PDE3B: variants seen among roughly 807,000 people sequenced by gnomAD.
PDE3B encodes cGMP-inhibited 3',5'-cyclic phosphodiesterase 3B.
A neutral mutation model predicts 116.8 loss-of-function variants in PDE3B; 66 were observed. The observed-to-expected ratio is 0.56, with a 90% CI of 0.46 to 0.69. PDE3B has a LOEUF of 0.69. Among genes scored for constraint, PDE3B ranks in the 30% least tolerant of loss-of-function variants. PDE3B has a pLI of 0.00. For missense variants in PDE3B, 1,384 were observed against 1,368.1 expected (o/e 1.01, Z -0.18); for synonymous variants, 595 against 533.6 (o/e 1.12, Z -1.59).
chr11:14,733,745 A>G (rs1283355959), intron 1 of PDE3B, among the ~76,000 whole-genome samples: 2 of 152,238 alleles, frequency 1.3e-5, no homozygotes, highest in Non-Finnish European at 2.9e-5. Flanking sequence ...AAAAGAAAAA[A>G]GGTAGGAAAG....
At chr11:14,784,750 T>C (rs1224330021) in intron 2 of PDE3B, among the ~76,000 whole-genome samples, 2 of 152,120 alleles carry the variant, frequency 1.3e-5, no homozygotes, top group South Asian at 2.1e-4. Flanking sequence ...AAGATTTGTC[T>C]ATGAAAATGA....
At chr11:14,890,873 G>A in the PDE3B span, 1 of 985,292 alleles carries the variant, frequency 1.0e-6, no homozygotes, top group Non-Finnish European at 1.2e-6. Flanking sequence ...TGTAAAAATT[G>A]GTTTAAGTAA....
At chr11:14,830,961 T>C in intron 8 of PDE3B, 115 bp downstream of exon 8, 1 of 553,044 alleles carries the variant, frequency 1.8e-6, no homozygotes, top group Non-Finnish European at 2.8e-6. Flanking sequence ...TTTTTAATTT[T>C]TTTACTTATA....
intron 1 of PDE3B, among the ~76,000 whole-genome samples, chr11:14,757,259 A>T (rs1307401848): frequency 6.6e-6 from 1 of 150,456 alleles, no homozygotes; most frequent in Non-Finnish European, 1.5e-5. Context: ...GCCGCAATAA[A>T]CATACGTGTG....
chr11:14,673,685 A>G, intron 1 of PDE3B: 1 of 733,770 alleles, frequency 1.4e-6, no homozygotes, highest in Non-Finnish European at 2.6e-6. Context: ...AATCATGAAG[A>G]TAATTCAGTA....
intron 1 of PDE3B, among the ~76,000 whole-genome samples, chr11:14,718,699 A>C (rs1380138468): frequency 6.6e-6 from 1 of 150,946 alleles, no homozygotes; most frequent in South Asian, 2.1e-4. Flanking sequence ...TGAAGGCAGA[A>C]ATAAAGATGT....
chr11:14,852,466 C>T (rs1404632009), intron 12 of PDE3B, among the ~76,000 whole-genome samples: 1 of 152,156 alleles, frequency 6.6e-6, no homozygotes, highest in Non-Finnish European at 1.5e-5. Flanking sequence ...TAATTTAAAA[C>T]AATGTTATAT....
At chr11:14,661,445 G>C (rs971650450) in intron 1 of PDE3B, among the ~76,000 whole-genome samples, 8 of 152,250 alleles carry the variant, frequency 5.3e-5, no homozygotes, top group Admixed American at 5.2e-4. Context: ...GGGAGTGCCA[G>C]ACAGTGGGCG....
chr11:14,897,661 G>C, the PDE3B span, among the ~76,000 whole-genome samples: 1 of 152,218 alleles, frequency 6.6e-6, no homozygotes, highest in South Asian at 2.1e-4. Context: ...TATTTCTCTG[G>C]GGTTTTAGAG....
chr11:14,893,284 A>T, the PDE3B span, among the ~76,000 whole-genome samples: 1 of 152,238 alleles, frequency 6.6e-6, no homozygotes, highest in African/African-American at 2.4e-5. Context: ...GCAAACAAAA[A>T]GTGCGTTATA....
chr11:14,664,629 C>G (rs1160215731), intron 1 of PDE3B, among the ~76,000 whole-genome samples: 1 of 152,174 alleles, frequency 6.6e-6, no homozygotes, highest in Non-Finnish European at 1.5e-5. Flanking sequence ...TCAGAGGATA[C>G]TACAAACAGC....
At chr11:14,782,729 G>A (rs1379409589) in intron 2 of PDE3B, among the ~76,000 whole-genome samples, 2 of 152,158 alleles carry the variant, frequency 1.3e-5, no homozygotes, top group Non-Finnish European at 1.5e-5. Context: ...AACACCAAAA[G>A]CAATGGCAAC....
Position 14,870,228 on chromosome 11 carries a change from C to CT in PDE3B, c.*569dup, listed in dbSNP as rs1257605767. ...CCCAGCTAGGTTTATCCATGAAGGA[C>CT]TGAGTGACCTTTGTTGTATTTAACA... On this transcript the variant is annotated 3_prime_UTR_variant, in exon 16 of 16. Coordinates refer to ENST00000282096, the MANE Select transcript of PDE3B (RefSeq NM_000922.4). The surrounding 1 kb of genome is among the most constrained non-coding windows in gnomAD (Gnocchi z 4.1). The CT allele has an allele frequency of 1.3e-5, 2 of 152,372 alleles. No individual in the cohort carries two copies. Among genetic ancestry groups the CT allele is most frequent in the Non-Finnish European group, 2.9e-5 (2 of 68,072 alleles). 9.4% of individuals were successfully genotyped at this position (152,372 alleles called of 1,614,324 possible).
At chr11:14,749,669 G>T (rs1435973343) in intron 1 of PDE3B, among the ~76,000 whole-genome samples, 1 of 150,968 alleles carries the variant, frequency 6.6e-6, no homozygotes, top group East Asian at 2.0e-4. Context: ...TGTCACAAAG[G>T]CCTTCTCTGT....
intron 1 of PDE3B, among the ~76,000 whole-genome samples, chr11:14,678,061 TG>T (rs1295544413): frequency 1.3e-5 from 2 of 152,112 alleles, no homozygotes; most frequent in Non-Finnish European, 2.9e-5. Flanking sequence ...CCGGAGTAGC[TG>T]GGATTACAGG....
intron 2 of PDE3B, among the ~76,000 whole-genome samples, chr11:14,782,497 C>G (rs1858041462): frequency 6.6e-6 from 1 of 152,078 alleles, no homozygotes; most frequent in Non-Finnish European, 1.5e-5. Context: ...CTGATAAAAA[C>G]AAGAAATAGG....
intron 3 of PDE3B, among the ~76,000 whole-genome samples, chr11:14,787,587 G>A (rs1319802540): frequency 6.6e-6 from 1 of 151,906 alleles, no homozygotes; most frequent in Non-Finnish European, 1.5e-5. Context: ...AGCAAACCCA[G>A]TTAGAGGAAA....
chr11:14,782,875 T>G (rs1024331007), intron 2 of PDE3B, among the ~76,000 whole-genome samples: 6 of 152,196 alleles, frequency 3.9e-5, no homozygotes, highest in African/African-American at 1.4e-4. Context: ...ACAAAAGGGC[T>G]AATATCCAGA....
Position 14,869,679 on chromosome 11 carries a change from A to G in PDE3B, c.*19A>G, listed in dbSNP as rs782562815. The G allele has an allele frequency of 1.2e-6, 2 of 1,604,616 alleles. No homozygotes were observed. Among genetic ancestry groups the G allele is most frequent in the Non-Finnish European group, 1.7e-6 (2 of 1,173,310 alleles). On this transcript the variant is annotated 3_prime_UTR_variant, in exon 16 of 16. Transcript: ENST00000282096. ...GGAATAGCGACAGTTTGAGTAAAAGAAAAGTCATATTGAAGAAGCCCAGAG... is the reference window on the plus strand; with the variant it reads ...GGAATAGCGACAGTTTGAGTAAAAGGAAAGTCATATTGAAGAAGCCCAGAG...
Sources: gnomAD v4.1 joint callset for allele counts (sites outside exome capture counted in the v4.1 genomes callset) on GRCh38, gnomAD v4.1.1 for gene constraint, Gnocchi (gnomAD v3.1) non-coding constraint, MANE v1.5 for transcripts, NCBI Gene and HGNC (gene_info 2026-07-23, HGNC 2026-07-21) for gene names.